SPMAP2L: variants seen among roughly 807,000 people sequenced by gnomAD.
SPMAP2L encodes sperm microtubule associated protein 2-like.
chr4:56,610,930 G>A, the SPMAP2L span, among the ~76,000 whole-genome samples: 2,043 of 152,044 alleles, frequency 0.013, 47 homozygotes, highest in African/African-American at 0.045. Context: ...GCCATAATAA[G>A]AAAATAACAA....
At chr4:56,594,498 A>G in the SPMAP2L span, 1 of 1,607,522 alleles carries the variant, frequency 6.2e-7, no homozygotes, top group Non-Finnish European at 8.5e-7. Context: ...GTCTGTTTCC[A>G]GCCAAACAGG....
At chr4:56,560,834 C>A in the SPMAP2L span, among the ~76,000 whole-genome samples, 2 of 152,144 alleles carry the variant, frequency 1.3e-5, no homozygotes, top group African/African-American at 4.8e-5. Flanking sequence ...CAACCTCCAC[C>A]TCCTGGGTTC....
the SPMAP2L span, chr4:56,530,622 C>A: frequency 6.7e-7 from 1 of 1,503,126 alleles, no homozygotes; most frequent in East Asian, 2.5e-5. Flanking sequence ...CAAACTGCGC[C>A]TGGGCAACCA....
At chr4:56,534,357 T>A in the SPMAP2L span, among the ~76,000 whole-genome samples, 1 of 152,204 alleles carries the variant, frequency 6.6e-6, no homozygotes, top group Non-Finnish European at 1.5e-5. Context: ...TGCCTCTACC[T>A]CTGTTGTCCT....
At chr4:56,594,333 C>T in the SPMAP2L span, 1 of 1,518,324 alleles carries the variant, frequency 6.6e-7, no homozygotes, top group African/African-American at 1.4e-5. Context: ...GGATCCTGCA[C>T]CATGAAACTG....
At chr4:56,590,556 T>A in the SPMAP2L span, among the ~76,000 whole-genome samples, 1 of 152,220 alleles carries the variant, frequency 6.6e-6, no homozygotes, top group Non-Finnish European at 1.5e-5. Flanking sequence ...AAAAGGCTCT[T>A]GGGCTCAATC....
the SPMAP2L span, among the ~76,000 whole-genome samples, chr4:56,545,689 C>CTG: frequency 7.3e-6 from 1 of 137,276 alleles, no homozygotes; most frequent in Non-Finnish European, 1.5e-5. Flanking sequence ...CTACTGCACT[C>CTG]TAGCCTGGGC....
chr4:56,595,532 A>G, the SPMAP2L span: 2 of 1,487,064 alleles, frequency 1.3e-6, no homozygotes, highest in South Asian at 2.3e-5. Context: ...ATATCTTCCC[A>G]CTGGGACCGG....
At chr4:56,591,133 G>A in the SPMAP2L span, among the ~76,000 whole-genome samples, 3 of 152,164 alleles carry the variant, frequency 2.0e-5, no homozygotes, top group Non-Finnish European at 4.4e-5. Flanking sequence ...CTGGTGGGAG[G>A]TAATTGGATC....
the SPMAP2L span, chr4:56,594,578 A>C: frequency 6.3e-7 from 1 of 1,599,732 alleles, no homozygotes. Context: ...AGAGGGGCAC[A>C]GAACGGTTTG....
At chr4:56,554,833 T>G in the SPMAP2L span, among the ~76,000 whole-genome samples, 1 of 152,314 alleles carries the variant, frequency 6.6e-6, no homozygotes, top group African/African-American at 2.4e-5. Flanking sequence ...AGACACATTT[T>G]GAGTTAATGT....
chr4:56,538,481 T>C, the SPMAP2L span, among the ~76,000 whole-genome samples: 336 of 152,318 alleles, frequency 2.2e-3, 1 homozygote, highest in African/African-American at 7.6e-3. Flanking sequence ...GTCATGAGAC[T>C]TTCTCTAAAA....
At chr4:56,593,612 A>C in the SPMAP2L span, 2 of 1,603,880 alleles carry the variant, frequency 1.2e-6, no homozygotes, top group Non-Finnish European at 1.7e-6. Context: ...CAGCTCCCAG[A>C]GATTTGGAGT....
At chr4:56,568,590 G>A in the SPMAP2L span, among the ~76,000 whole-genome samples, 2 of 152,144 alleles carry the variant, frequency 1.3e-5, no homozygotes, top group Admixed American at 1.3e-4. Context: ...ACTTTGGGAC[G>A]CTGAAGTGGG....
the SPMAP2L span, among the ~76,000 whole-genome samples, chr4:56,604,580 C>A: frequency 4.1e-3 from 620 of 151,940 alleles, 1 homozygote; most frequent in Non-Finnish European, 6.2e-3. Flanking sequence ...ATCACATGAA[C>A]CCAGGAGGCA....
the SPMAP2L span, chr4:56,584,531 C>T: frequency 1.1e-4 from 170 of 1,534,934 alleles, no homozygotes; most frequent in African/African-American, 1.8e-3. Flanking sequence ...AGATTCTCTT[C>T]GAATCTCTGA....
the SPMAP2L span, among the ~76,000 whole-genome samples, chr4:56,598,753 A>T: frequency 6.6e-6 from 1 of 152,064 alleles, no homozygotes; most frequent in Non-Finnish European, 1.5e-5. Flanking sequence ...AGGGCCTTGT[A>T]GGCCACAGAA....
At chr4:56,538,962 G>A in the SPMAP2L span, among the ~76,000 whole-genome samples, 5 of 152,156 alleles carry the variant, frequency 3.3e-5, no homozygotes, top group East Asian at 1.9e-4. Context: ...AAAAAGTGGT[G>A]TAAACATTGG....
chr4:56,593,067 G>T, the SPMAP2L span: 25 of 1,584,186 alleles, frequency 1.6e-5, no homozygotes, highest in African/African-American at 3.0e-4. Context: ...ATTGGCATGG[G>T]CTATTGTAAC....
Sources: gnomAD v4.1 joint callset for allele counts (sites outside exome capture counted in the v4.1 genomes callset) on GRCh38, gnomAD v4.1.1 for gene constraint, MANE v1.5 for transcripts, NCBI Gene and HGNC (gene_info 2026-07-23, HGNC 2026-07-21) for gene names.